The following NRTN variants were observed in gnomAD, a reference collection of about 807,000 sequenced individuals.
NRTN encodes the protein prepro-neurturin.
In NRTN, 3 loss-of-function variants were observed where a neutral mutation model predicts 7.5. The observed-to-expected ratio is 0.40, with a 90% CI of 0.18 to 1.03. The LOEUF (loss-of-function observed/expected upper bound fraction) is 1.03. Among genes scored for constraint, NRTN ranks in the 50% least tolerant of loss-of-function variants. The probability of loss-of-function intolerance (pLI) is 0.34; values close to 1 mark genes in which losing one functional copy is unlikely to be tolerated. For synonymous variants in NRTN, 157 were observed against 146.6 expected, an observed-to-expected ratio of 1.07 and a Z score of -0.51; for missense variants, 310 against 307.0, an observed-to-expected ratio of 1.01 and a Z score of -0.07.
intron 2 of NRTN, among the ~76,000 whole-genome samples, chr19:5,826,738 C>T (rs958316120): frequency 6.6e-6 from 1 of 152,198 alleles, no homozygotes; most frequent in Non-Finnish European, 1.5e-5. Flanking sequence ...CAGTTCTCTC[C>T]CGGGGCTTCC....
chr19:5,823,464 A>G (rs2057033470), intron 1 of NRTN, among the ~76,000 whole-genome samples: 2 of 152,078 alleles, frequency 1.3e-5, no homozygotes, highest in African/African-American at 4.8e-5. Context: ...GGGAGTGGGG[A>G]GGGAGGGAAG....
intron 1 of NRTN, among the ~76,000 whole-genome samples, chr19:5,811,593 C>T (rs541906629): frequency 7.2e-5 from 11 of 152,260 alleles, no homozygotes; most frequent in Non-Finnish European, 1.5e-4. Flanking sequence ...AGTGCACTGG[C>T]GCGATCTTGG....
chr19:5,815,384 A>C (rs1372972947), intron 1 of NRTN, among the ~76,000 whole-genome samples: 1 of 150,952 alleles, frequency 6.6e-6, no homozygotes, highest in Non-Finnish European at 1.5e-5. Flanking sequence ...CGTGGATATA[A>C]CGTTTCACCA....
At chr19:5,816,299 A>G (rs1010841980) in intron 1 of NRTN, among the ~76,000 whole-genome samples, 1 of 152,102 alleles carries the variant, frequency 6.6e-6, no homozygotes, top group African/African-American at 2.4e-5. Context: ...TGGCCCCTCC[A>G]ATCTGAGACT....
chr19:5,819,535 T>C (rs1295198737), intron 1 of NRTN, among the ~76,000 whole-genome samples: 2 of 152,088 alleles, frequency 1.3e-5, no homozygotes, highest in East Asian at 3.9e-4. Context: ...TGGTGGCACA[T>C]GCCTGTAGTC....
chr19:5,813,997 G>T (rs925455291), intron 1 of NRTN, among the ~76,000 whole-genome samples: 6 of 152,118 alleles, frequency 3.9e-5, no homozygotes, highest in Non-Finnish European at 5.9e-5. Context: ...AACAGAGCCA[G>T]ACTCCGTCTC....
At position 5,806,231 on chromosome 19, in the gene NRTN, G is replaced by T. The variant is rs1386130854; in HGVS notation, c.-399+780G>T. On this transcript the variant is annotated intron_variant, in intron 1 of 2. Coordinates refer to ENST00000303212, the MANE Select transcript of NRTN (RefSeq NM_004558.5). The surrounding 1 kb of genome is among the most constrained non-coding windows in gnomAD (Gnocchi z 5.4). The stretch of plus-strand genomic sequence containing the variant: ...CTGCAGACAGATTAGTGGGGAGGGG[G>T]GTGTGCTGGAGAGAGAAATGGCTCT... 6.6e-6 allele frequency among the ~76,000 whole-genome samples: 1 copy of T among 152,024 alleles called. No individual in the cohort carries two copies. The highest frequency in any genetic ancestry group is 1.5e-5 in the Non-Finnish European group (1 of 67,998).
chr19:5,823,706 C>G (rs891951303), intron 1 of NRTN, 62 bp from the exon 2 acceptor site: 1 of 299,080 alleles, frequency 3.3e-6, no homozygotes, highest in Non-Finnish European at 6.5e-6. Flanking sequence ...GCGCCTTTGT[C>G]CCACACTGCC....
Position 5,827,909 on chromosome 19 carries a change from G to A in NRTN, c.330G>A (p.Val110=). ...ARPCGLRELE[V]RVSELGLGYA... Reference sequence around the variant, plus strand: ...CTTGCGGGCTGCGCGAGCTGGAGGTGCGCGTGAGCGAGCTGGGCCTGGGCT... The same window carrying A: ...CTTGCGGGCTGCGCGAGCTGGAGGTACGCGTGAGCGAGCTGGGCCTGGGCT... The change falls in exon 3 of 3, where the codon GTG becomes GTA. Residue 110 remains valine, a synonymous_variant. Coordinates refer to ENST00000303212, the MANE Select transcript of NRTN (RefSeq NM_004558.5). 1 of 1,447,802 alleles carries A rather than the reference G, an allele frequency of 6.9e-7. No individual in the cohort carries two copies. Among genetic ancestry groups the A allele is most frequent in the South Asian group, 1.4e-5 (1 of 71,702 alleles). 89.7% of individuals were successfully genotyped at this position (1,447,802 alleles called of 1,614,324 possible). A position where few individuals can be genotyped will look rare whatever the true frequency, so the allele number is the denominator to read the frequency against.
intron 1 of NRTN, among the ~76,000 whole-genome samples, chr19:5,808,495 C>T (rs534487874): frequency 1.7e-4 from 26 of 152,312 alleles, no homozygotes; most frequent in Non-Finnish European, 2.6e-4. Flanking sequence ...GGCACACACA[C>T]GCTCCCTAGC....
At chr19:5,805,688 C>T (rs1194465117) in intron 1 of NRTN, among the ~76,000 whole-genome samples, 12 of 152,000 alleles carry the variant, frequency 7.9e-5, no homozygotes, top group Admixed American at 7.9e-4. Context: ...AATCCAGCCG[C>T]GGTGTCCCTG....
chr19:5,805,273 G>C lies in NRTN; in HGVS notation c.-577G>C, dbSNP rs926029172. ...CGGGATGGCCGCAGCCCGCGGCTAA[G>C]CGAGCCCGGGGGGCCCCATGGGCCG... On this transcript the variant is annotated 5_prime_UTR_variant, in exon 1 of 3. Transcript: ENST00000303212. Among the ~76,000 whole-genome samples the C allele has an allele frequency of 0.034, 364 of 10,660 alleles. 1 individual carries two copies. Among genetic ancestry groups the C allele is most frequent in the African/African-American group, 0.12 (348 of 2,852 alleles). The allele number at this position is 10,660 out of a possible 152,430, so 7.0% of individuals were successfully genotyped here.
At position 5,809,270 on chromosome 19, in the gene NRTN, A is replaced by G. The variant is rs1016289419; in HGVS notation, c.-399+3819A>G. On this transcript the variant is annotated intron_variant, in intron 1 of 2. Transcript: ENST00000303212. ...ATTGCAGCCTCCACCTCCTGGACTC[A>G]AGCGATCCTCTTGCGTCAGCTTCCT... 3.3e-5 allele frequency among the ~76,000 whole-genome samples: 5 copies of G among 151,086 alleles called. No homozygotes were observed. The East Asian group carries it at 9.8e-4, about 30-fold the overall frequency.
chr19:5,825,934 A>C (rs1481822557), intron 2 of NRTN, among the ~76,000 whole-genome samples: 1 of 152,152 alleles, frequency 6.6e-6, no homozygotes, highest in Non-Finnish European at 1.5e-5. Context: ...GGAGATGGAG[A>C]CCATTCTGGC....
intron 1 of NRTN, among the ~76,000 whole-genome samples, chr19:5,809,915 T>C (rs2056984813): frequency 6.6e-6 from 1 of 152,154 alleles, no homozygotes; most frequent in African/African-American, 2.4e-5. Context: ...GAGAACAAGT[T>C]TGGAGTTGGA....
intron 1 of NRTN, among the ~76,000 whole-genome samples, chr19:5,807,239 A>C (rs2056977388): frequency 6.6e-6 from 1 of 152,214 alleles, no homozygotes; most frequent in African/African-American, 2.4e-5. Context: ...GCAGAGGAAG[A>C]ACTGGGCTGG....
At chr19:5,807,219 TAGA>T (rs1055724860) in intron 1 of NRTN, among the ~76,000 whole-genome samples, 55 of 152,300 alleles carry the variant, frequency 3.6e-4, no homozygotes, top group African/African-American at 1.3e-3. Context: ...GAGACTGTTC[TAGA>T]AGGTTGGCAG....
intron 1 of NRTN, among the ~76,000 whole-genome samples, chr19:5,812,530 G>A (rs1328973967): frequency 1.3e-5 from 2 of 152,228 alleles, no homozygotes; most frequent in Non-Finnish European, 2.9e-5. Context: ...ACGCAGTATC[G>A]GAACCAGCTG....
intron 1 of NRTN, among the ~76,000 whole-genome samples, chr19:5,816,120 C>T (rs1356257755): frequency 2.0e-5 from 3 of 151,964 alleles, no homozygotes; most frequent in Admixed American, 6.6e-5. Flanking sequence ...AGGCTGGTCT[C>T]GAACTTCCAG....
Sources: gnomAD v4.1 joint callset for allele counts (sites outside exome capture counted in the v4.1 genomes callset) on GRCh38, gnomAD v4.1.1 for gene constraint, Gnocchi (gnomAD v3.1) non-coding constraint, MANE v1.5 for transcripts, NCBI Gene and HGNC (gene_info 2026-07-23, HGNC 2026-07-21) for gene names.